MALRD1: variants seen among roughly 807,000 people sequenced by gnomAD.
MALRD1 encodes the protein MAM and LDL-receptor class A domain-containing protein 1.
A neutral mutation model predicts 242.1 loss-of-function variants in MALRD1; 247 were observed. The observed-to-expected ratio is 1.02, with a 90% CI of 0.92 to 1.13. The LOEUF (loss-of-function observed/expected upper bound fraction) is 1.13, where lower values mean the gene tolerates loss of function less well. Ranked by LOEUF, MALRD1 falls within the 50% of genes most tolerant of loss-of-function variation. The pLI, the probability that MALRD1 is intolerant of heterozygous loss-of-function variation, is 0.00. For missense variants in MALRD1, 2,989 were observed against 2,533.1 expected (o/e 1.18, Z -3.86); for synonymous variants, 995 against 866.6 (o/e 1.15, Z -2.60).
intron 38 of MALRD1, 187 bp from the exon 39 acceptor site, chr10:19,730,519 G>T (rs1460790737): frequency 1.5e-6 from 1 of 661,916 alleles, no homozygotes; most frequent in Non-Finnish European, 2.7e-6. Context: ...CCTGAATGTG[G>T]TTGCCTTGGT....
At chr10:19,444,373 C>T (rs1834841607) in intron 28 of MALRD1, among the ~76,000 whole-genome samples, 2 of 152,230 alleles carry the variant, frequency 1.3e-5, no homozygotes, top group South Asian at 2.1e-4. Context: ...GGTTATTTTG[C>T]TCGTTAGTTG....
chr10:19,692,626 A>T (rs573928755), intron 38 of MALRD1, 72 bp downstream of exon 38: 1 of 1,234,646 alleles, frequency 8.1e-7, no homozygotes, highest in Non-Finnish European at 1.1e-6. Flanking sequence ...TTCCTTTGCT[A>T]TTTTTTTCTT....
chr10:19,200,017 T>C (rs1836451133), intron 14 of MALRD1, among the ~76,000 whole-genome samples: 1 of 152,058 alleles, frequency 6.6e-6, no homozygotes, highest in Admixed American at 6.6e-5. Context: ...TGTTCCCAGC[T>C]ACTCAGGAGG....
intron 29 of MALRD1, among the ~76,000 whole-genome samples, chr10:19,471,539 CAATATT>C (rs1414682613): frequency 6.6e-6 from 1 of 150,752 alleles, no homozygotes; most frequent in East Asian, 1.9e-4. Flanking sequence ...GACATTTTAA[CAATATT>C]AATGTTTCAA....
chr10:19,101,249 C>CATAT (rs34397417), intron 4 of MALRD1, among the ~76,000 whole-genome samples: 35 of 144,398 alleles, frequency 2.4e-4, no homozygotes, highest in African/African-American at 6.6e-4. Flanking sequence ...ATTTGAAATA[C>CATAT]ATATATATAT....
At chr10:19,190,337 A>C (rs1405530805) in intron 14 of MALRD1, among the ~76,000 whole-genome samples, 2 of 152,148 alleles carry the variant, frequency 1.3e-5, no homozygotes. Context: ...CCATGTTCAT[A>C]GATCAGAAGA....
chr10:19,567,633 T>C lies in MALRD1; in HGVS notation c.5610T>C (p.Asp1870=). The change falls in exon 33 of 40, where the codon GAT becomes GAC. Residue 1870 remains aspartate (D), a synonymous_variant. Coordinates refer to ENST00000454679, the MANE Select transcript of MALRD1 (RefSeq NM_001142308.3). ...NSPFKVAFEA[D]LDGNEDIFIA... is the part of the protein sequence containing the mutation. The stretch of plus-strand genomic sequence containing the variant: ...CGTTTAAGGTGGCATTTGAAGCTGA[T>C]TTGGATGGAAATGAGGACATCTTTA... The C allele has an allele frequency of 6.4e-7, 1 of 1,550,720 alleles. No homozygotes were observed.
intron 13 of MALRD1, among the ~76,000 whole-genome samples, chr10:19,172,502 A>C (rs764642500): frequency 1.3e-5 from 2 of 151,648 alleles, no homozygotes; most frequent in Non-Finnish European, 2.9e-5. Context: ...TTTAATATGA[A>C]TATCTAAAGG....
At chr10:19,634,597 CT>C (rs1278665983) in intron 36 of MALRD1, among the ~76,000 whole-genome samples, 1 of 152,114 alleles carries the variant, frequency 6.6e-6, no homozygotes, top group East Asian at 1.9e-4. Flanking sequence ...AGATCTTCAG[CT>C]CGGCATTGTT....
rs911000982 is a variant in MALRD1 at position 19,387,723 on chromosome 10, C to T, written c.4637C>T (p.Ser1546Phe). The change falls in exon 27 of 40, where the codon TCT becomes TTT. Residue 1546 changes from serine to phenylalanine, a missense_variant. Ser to Phe is a radical substitution (Grantham distance 155). Transcript: ENST00000454679. ...TTTGATTGGGTTTTAGGGGTTGGCT[C>T]TCATCAAAGCTTAAGACCTCCCAAA... The part of the protein sequence containing the change: ...DNFDWVLGVG[S>F]HQSLRPPKDH... 6.5e-6 allele frequency: 10 copies of T among 1,550,350 alleles called. No homozygotes were observed. Among genetic ancestry groups the T allele is most frequent in the Middle Eastern group, 3.3e-4 (2 of 5,994 alleles).
At chr10:19,702,611 A>G (rs1288975008) in intron 38 of MALRD1, among the ~76,000 whole-genome samples, 1 of 152,226 alleles carries the variant, frequency 6.6e-6, no homozygotes, top group African/African-American at 2.4e-5. Context: ...AGCATCACCA[A>G]AACCATTGCT....
intron 5 of MALRD1, among the ~76,000 whole-genome samples, chr10:19,121,295 C>T (rs1034504694): frequency 6.6e-6 from 1 of 152,072 alleles, no homozygotes; most frequent in Non-Finnish European, 1.5e-5. Context: ...CCTGCTTCGG[C>T]CTCCCAAGTG....
At chr10:19,718,204 G>GGAAGAA (rs928490482) in intron 38 of MALRD1, among the ~76,000 whole-genome samples, 1 of 151,096 alleles carries the variant, frequency 6.6e-6, no homozygotes, top group Non-Finnish European at 1.5e-5. Context: ...AAGAAGAAGA[G>GGAAGAA]GAAGAAGAAG....
chr10:19,701,073 T>C (rs1223814579), intron 38 of MALRD1, among the ~76,000 whole-genome samples: 2 of 152,124 alleles, frequency 1.3e-5, no homozygotes, highest in African/African-American at 2.4e-5. Context: ...TGCTTGAGCC[T>C]GGGAGGTCAA....
chr10:19,556,227 C>T (rs933060630), intron 32 of MALRD1, among the ~76,000 whole-genome samples: 6 of 152,098 alleles, frequency 3.9e-5, no homozygotes, highest in Non-Finnish European at 5.9e-5. Context: ...CAGTTTTCAT[C>T]CATCATTAAC....
rs118119342 is a variant in MALRD1, at chr10:19,556,064, G to A, written c.5479-11438G>A. Among the ~76,000 whole-genome samples, 414 of 152,158 alleles carry A rather than the reference G, an allele frequency of 2.7e-3. 7 individuals are homozygous for A. In the East Asian group the frequency reaches 0.059, roughly 22 times the overall value. On this transcript the variant is annotated intron_variant, in intron 32 of 39. Coordinates refer to ENST00000454679, the MANE Select transcript of MALRD1 (RefSeq NM_001142308.3). ...AAATAAGGAAAATTCTCTCACCAGCGCTATCATTTCTGTACTGTGTATTTT... is the reference window on the plus strand; with the variant it reads ...AAATAAGGAAAATTCTCTCACCAGCACTATCATTTCTGTACTGTGTATTTT...
intron 32 of MALRD1, among the ~76,000 whole-genome samples, chr10:19,535,875 G>A (rs984258395): frequency 3.9e-5 from 6 of 152,110 alleles, no homozygotes; most frequent in Non-Finnish European, 8.8e-5. Context: ...GATTACAATT[G>A]TCTGAAAGTA....
intron 11 of MALRD1, among the ~76,000 whole-genome samples, chr10:19,154,101 A>G (rs920996126): frequency 2.6e-5 from 4 of 152,106 alleles, no homozygotes; most frequent in African/African-American, 9.7e-5. Context: ...CACTGTTTCC[A>G]TTACCTGTAG....
chr10:19,544,301 C>T (rs903526764), intron 32 of MALRD1, among the ~76,000 whole-genome samples: 1 of 152,062 alleles, frequency 6.6e-6, no homozygotes, highest in South Asian at 2.1e-4. Flanking sequence ...GATTCTCCTG[C>T]CTCAGCCTCC....
Sources: gnomAD v4.1 joint callset for allele counts (sites outside exome capture counted in the v4.1 genomes callset) on GRCh38, gnomAD v4.1.1 for gene constraint, MANE v1.5 for transcripts, NCBI Gene and HGNC (gene_info 2026-07-23, HGNC 2026-07-21) for gene names.